The following NRXN3 variants were observed in gnomAD, a reference collection of about 807,000 sequenced individuals.
NRXN3 encodes the protein neurexin 3, also known as neurexin III.
NRXN3 carries 32 observed loss-of-function variants against 137.6 expected under a neutral mutation model. The observed-to-expected ratio is 0.23, with a 90% CI of 0.18 to 0.31. The LOEUF is 0.31. Among genes scored for constraint, NRXN3 ranks in the 10% least tolerant of loss-of-function variants. NRXN3 has a pLI of 1.00. For missense variants in NRXN3, 1,574 were observed against 2,062.5 expected (o/e 0.76, Z 4.59); for synonymous variants, 798 against 784.5 (o/e 1.02, Z -0.29).
intron 4 of NRXN3, among the ~76,000 whole-genome samples, chr14:78,574,724 G>A (rs1410702697): frequency 1.3e-5 from 2 of 152,200 alleles, no homozygotes; most frequent in African/African-American, 2.4e-5. Flanking sequence ...GATTTGCCTT[G>A]TGTCAGATGA....
chr14:78,875,045 G>T (rs154308), intron 10 of NRXN3, among the ~76,000 whole-genome samples: 2,148 of 152,336 alleles, frequency 0.014, 49 homozygotes, highest in African/African-American at 0.049. Flanking sequence ...TGGAGGAAAT[G>T]TGAAGAGGGT....
At chr14:79,769,628 T>A (rs1008241068) in intron 19 of NRXN3, among the ~76,000 whole-genome samples, 23 of 151,776 alleles carry the variant, frequency 1.5e-4, no homozygotes, top group African/African-American at 4.8e-4. Flanking sequence ...AGGAAGCGCT[T>A]AACATGGAAA....
At chr14:78,183,948 GT>G (rs2060022451) in intron 1 of NRXN3, among the ~76,000 whole-genome samples, 1 of 152,190 alleles carries the variant, frequency 6.6e-6, no homozygotes, top group African/African-American at 2.4e-5. Flanking sequence ...GGGTTGTAGA[GT>G]TTGGATGACA....
chr14:79,070,921 AG>A (rs2099686828), intron 15 of NRXN3, among the ~76,000 whole-genome samples: 2 of 152,178 alleles, frequency 1.3e-5, no homozygotes, highest in Admixed American at 6.5e-5. Context: ...GCAAACATGT[AG>A]TTTGGGTCGC....
At chr14:79,403,552 A>C (rs980958888) in intron 15 of NRXN3, among the ~76,000 whole-genome samples, 1 of 152,218 alleles carries the variant, frequency 6.6e-6, no homozygotes, top group South Asian at 2.1e-4. Context: ...ACTGAGATGC[A>C]GTGCAGTGAA....
intron 15 of NRXN3, among the ~76,000 whole-genome samples, chr14:79,330,456 CT>C (rs1180173897): frequency 6.6e-6 from 1 of 152,098 alleles, no homozygotes; most frequent in East Asian, 1.9e-4. Flanking sequence ...TGTGTATCTT[CT>C]GTTTGCTAAA....
chr14:79,098,858 A>G (rs1051080561), intron 15 of NRXN3, among the ~76,000 whole-genome samples: 2 of 152,192 alleles, frequency 1.3e-5, no homozygotes, highest in African/African-American at 4.8e-5. Flanking sequence ...TTTCCCCTGT[A>G]TCTCACTATT....
At chr14:78,475,334 A>G (rs2095360397) in intron 4 of NRXN3, among the ~76,000 whole-genome samples, 1 of 152,226 alleles carries the variant, frequency 6.6e-6, no homozygotes, top group South Asian at 2.1e-4. Flanking sequence ...CAGGCTTACA[A>G]TAGATGTGTT....
Position 79,279,653 on chromosome 14 carries a change from C to G in NRXN3, c.3263-187568C>G, listed in dbSNP as rs1166172563. ...TCATCCAGTTGGGAAACCCAGGAAGCCGGCGGCTGCTCCGTGGCGCTAGTC... is the reference window on the plus strand; with the variant it reads ...TCATCCAGTTGGGAAACCCAGGAAGGCGGCGGCTGCTCCGTGGCGCTAGTC... On this transcript the variant is annotated intron_variant, in intron 15 of 20. Transcript: ENST00000335750. 3 of 986,692 alleles carry G rather than the reference C, an allele frequency of 3.0e-6. No individual in the cohort carries two copies. The African/African-American group carries it at 5.2e-5, about 17-fold the overall frequency. The allele number at this position is 986,692 out of a possible 1,614,324, so 61.1% of individuals were successfully genotyped here. A position where few individuals can be genotyped will look rare whatever the true frequency, so the allele number is the denominator to read the frequency against.
chr14:79,664,215 G>A (rs941000685), intron 17 of NRXN3, among the ~76,000 whole-genome samples: 67 of 152,156 alleles, frequency 4.4e-4, no homozygotes, highest in African/African-American at 1.3e-3. Flanking sequence ...AGACAATTAC[G>A]GTAGATTTTG....
chr14:79,714,661 A>AAAAC (rs1410765757), intron 19 of NRXN3, among the ~76,000 whole-genome samples: 2 of 152,232 alleles, frequency 1.3e-5, no homozygotes, highest in Non-Finnish European at 2.9e-5. Flanking sequence ...TAAATTACAT[A>AAAAC]AAACAATGCC....
At chr14:79,656,638 G>GAGTC (rs2098507597) in intron 16 of NRXN3, among the ~76,000 whole-genome samples, 1 of 145,662 alleles carries the variant, frequency 6.9e-6, no homozygotes, top group African/African-American at 2.6e-5. Flanking sequence ...TTTTTGCTTG[G>GAGTC]AGTCAGAGAT....
intron 15 of NRXN3, among the ~76,000 whole-genome samples, chr14:79,051,170 T>C (rs926469222): frequency 1.3e-5 from 2 of 152,144 alleles, no homozygotes; most frequent in African/African-American, 4.8e-5. Context: ...GTAATTGCTC[T>C]GACCTATCTC....
At chr14:78,461,611 C>T (rs28631162) in intron 4 of NRXN3, among the ~76,000 whole-genome samples, 49 of 152,158 alleles carry the variant, frequency 3.2e-4, no homozygotes, top group African/African-American at 9.2e-4. Flanking sequence ...GTCCATCCAA[C>T]CAGTTAGTCA....
intron 16 of NRXN3, among the ~76,000 whole-genome samples, chr14:79,516,725 C>T (rs957940121): frequency 1.3e-5 from 2 of 152,192 alleles, no homozygotes; most frequent in Non-Finnish European, 2.9e-5. Context: ...CTCATATTCT[C>T]ATAGTCCCAC....
chr14:79,752,627 C>T (rs1477020285), intron 19 of NRXN3, among the ~76,000 whole-genome samples: 1 of 151,998 alleles, frequency 6.6e-6, no homozygotes, highest in Admixed American at 6.6e-5. Context: ...AGAAGAAAAC[C>T]AAGGCATTAC....
At chr14:78,774,386 G>A (rs919798643) in intron 8 of NRXN3, among the ~76,000 whole-genome samples, 2 of 152,166 alleles carry the variant, frequency 1.3e-5, no homozygotes, top group East Asian at 1.9e-4. Context: ...GTAATATTCT[G>A]TGTGAACAAA....
At chr14:78,556,917 T>TCCCCTCCTCCTC (rs1221642515) in intron 4 of NRXN3, among the ~76,000 whole-genome samples, 6 of 27,610 alleles carry the variant, frequency 2.2e-4, no homozygotes, top group African/African-American at 9.0e-4. Context: ...CCCTCCCCCT[T>TCCCCTCCTCCTC]CCCCTCCTCC....
intron 15 of NRXN3, among the ~76,000 whole-genome samples, chr14:79,100,923 A>G (rs1407658285): frequency 6.6e-6 from 1 of 152,222 alleles, no homozygotes; most frequent in African/African-American, 2.4e-5. Flanking sequence ...AAAAAAATAG[A>G]TAGATCTTAT....
Sources: allele counts gnomAD v4.1 joint callset (sites outside exome capture counted in the v4.1 genomes callset), GRCh38; gene constraint gnomAD v4.1.1; transcripts MANE v1.5; gene names NCBI Gene and HGNC (gene_info 2026-07-23, HGNC 2026-07-21).